CPEB4: variants seen among roughly 807,000 people sequenced by gnomAD.
CPEB4 encodes the protein cytoplasmic polyadenylation element-binding protein 4.
Under a neutral mutation model 72.5 loss-of-function variants are expected in CPEB4, and 12 were observed. The observed-to-expected ratio is 0.17, with a 90% CI of 0.11 to 0.27. CPEB4 has a LOEUF of 0.27. CPEB4 is among the 10% of genes least tolerant of loss of function. The pLI is 1.00. For missense variants in CPEB4, 614 were observed against 908.5 expected (o/e 0.68, Z 4.17); for synonymous variants, 302 against 326.3 (o/e 0.93, Z 0.80).
intron 2 of CPEB4, among the ~76,000 whole-genome samples, chr5:173,924,662 T>C (rs1259019709): frequency 6.6e-6 from 1 of 152,220 alleles, no homozygotes. Flanking sequence ...CTCTGTGAAG[T>C]CAATGGAATT....
chr5:173,910,426 T>C, intron 1 of CPEB4, 97 bp from the exon 2 acceptor site: 1 of 799,720 alleles, frequency 1.3e-6, no homozygotes, highest in East Asian at 2.5e-5. Flanking sequence ...GTAAAATTGC[T>C]ACTTTGTGAT....
At chr5:173,946,153 G>C (rs757565202) in intron 5 of CPEB4, among the ~76,000 whole-genome samples, 8 of 151,924 alleles carry the variant, frequency 5.3e-5, no homozygotes, top group Non-Finnish European at 8.8e-5. Context: ...AGACAGAAAT[G>C]GTTCTAAAAA....
rs1159743343 is a variant in CPEB4, at chr5:173,890,730, C to A, written c.997C>A (p.Pro333Thr). The A allele has an allele frequency of 2.5e-6, 4 of 1,614,004 alleles. No homozygotes were observed. The East Asian group carries it at 8.9e-5, about 36-fold the overall frequency. ...AATAACGCCCCTGAACTCCATCTCG[C>A]CTTTGAAGAAAAATTTTGCAAGCAA... is the stretch of plus-strand genomic sequence containing the variant. ...GGITPLNSIS[P>T]LKKNFASNHI... Residue 333 changes from proline (P) to threonine (T), a missense_variant, in exon 1 of 10, where the codon CCT becomes ACT. By Grantham distance (38) the Pro-to-Thr change is conservative. Around this residue, in one of 5 missense-constraint regions of CPEB4, gnomAD observed 458 missense variants for 548.6 expected, o/e 0.83. Coordinates refer to ENST00000265085, the MANE Select transcript of CPEB4 (RefSeq NM_030627.4).
At chr5:173,936,599 A>G (rs1757630201) in intron 3 of CPEB4, among the ~76,000 whole-genome samples, 1 of 152,180 alleles carries the variant, frequency 6.6e-6, no homozygotes, top group Non-Finnish European at 1.5e-5. Context: ...TGCCCATTTT[A>G]TGGTTATGAG....
At chr5:173,930,044 C>T (rs1488586646) in intron 2 of CPEB4, among the ~76,000 whole-genome samples, 3 of 151,706 alleles carry the variant, frequency 2.0e-5, no homozygotes, top group Non-Finnish European at 2.9e-5. Context: ...GTACTCTGTT[C>T]CCACCTCCCA....
chr5:173,891,499 T>A (rs1350020933), intron 1 of CPEB4: 3 of 152,240 alleles, frequency 2.0e-5, no homozygotes, highest in Non-Finnish European at 2.9e-5. Context: ...TCCCCATTTA[T>A]TTTTGAACAC....
chr5:173,938,501 T>C (rs1757710400), intron 3 of CPEB4, among the ~76,000 whole-genome samples: 1 of 152,174 alleles, frequency 6.6e-6, no homozygotes, highest in African/African-American at 2.4e-5. Flanking sequence ...GCTGGGGTTA[T>C]AGGTGTTAGC....
chr5:173,890,945 A>G, intron 1 of CPEB4, 87 bp downstream of exon 1: 1 of 1,266,342 alleles, frequency 7.9e-7, no homozygotes, highest in African/African-American at 1.5e-5. Flanking sequence ...AAGTGCCCGT[A>G]TTCACATCAG....
rs1433766243 is a variant in CPEB4, at chr5:173,932,363, A to G, written c.1208-87A>G. 4.1e-6 allele frequency: 4 copies of G among 964,108 alleles called. No individual in the cohort carries two copies. In the African/African-American group the frequency reaches 5.0e-5, roughly 12 times the overall value. 59.7% of individuals were successfully genotyped at this position (964,108 alleles called of 1,614,324 possible). A position where few individuals can be genotyped will look rare whatever the true frequency, so the allele number is the denominator to read the frequency against. ...TGATTCAAATACCTTGCCTATTTGA[A>G]AGCAAGTCAATTCAGCTCTGTTATT... On this transcript the variant is annotated intron_variant, in intron 2 of 9. Coordinates refer to ENST00000265085, the MANE Select transcript of CPEB4 (RefSeq NM_030627.4).
rs1227095284 is a variant in CPEB4, at chr5:173,889,240, G to C, written c.-494G>C. The C allele has an allele frequency of 6.6e-6, 1 of 151,412 alleles. No homozygotes were observed. The highest frequency in any genetic ancestry group is 2.4e-5 in the African/African-American group (1 of 41,184). 9.4% of individuals were successfully genotyped at this position (151,412 alleles called of 1,614,324 possible). The stretch of plus-strand genomic sequence containing the variant: ...TTAACCAAGCTGCCAAGAAAAGAAC[G>C]TATTCCCCTCTTAGTCCTATTCTAA... On this transcript the variant is annotated 5_prime_UTR_variant, in exon 1 of 10. Coordinates refer to ENST00000265085, the MANE Select transcript of CPEB4 (RefSeq NM_030627.4).
chr5:173,920,093 ATT>A (rs763045363), intron 2 of CPEB4, among the ~76,000 whole-genome samples: 7 of 152,216 alleles, frequency 4.6e-5, no homozygotes, highest in Non-Finnish European at 8.8e-5. Flanking sequence ...TCTGGGCTTC[ATT>A]ATTTTATCTA....
intron 3 of CPEB4, among the ~76,000 whole-genome samples, 168 bp from the exon 4 acceptor site, chr5:173,942,858 T>G (rs899728375): frequency 2.6e-5 from 4 of 152,192 alleles, no homozygotes; most frequent in Non-Finnish European, 5.9e-5. Context: ...AATTGACCTC[T>G]TACCTCCCGT....
In CPEB4 at chr5:173,936,195, C is replaced by T. The variant is rs1264688473; in HGVS notation, c.1258+3695C>T. Among the ~76,000 whole-genome samples the T allele has an allele frequency of 2.6e-5, 4 of 152,218 alleles. No individual in the cohort carries two copies. In the South Asian group the frequency reaches 8.3e-4, roughly 31 times the overall value. ...CTGCTATAATAAGTACCACTGACTACTGGCTTAAACAGAAATTTACTTCCT... is the reference window on the plus strand; with the variant it reads ...CTGCTATAATAAGTACCACTGACTATTGGCTTAAACAGAAATTTACTTCCT... On this transcript the variant is annotated intron_variant, in intron 3 of 9. Coordinates refer to ENST00000265085, the MANE Select transcript of CPEB4 (RefSeq NM_030627.4).
chr5:173,948,444 A>G (rs773036615), intron 5 of CPEB4, among the ~76,000 whole-genome samples: 3 of 152,186 alleles, frequency 2.0e-5, no homozygotes, highest in Non-Finnish European at 4.4e-5. Flanking sequence ...TTGAGGCAGC[A>G]GGATCACTTA....
chr5:173,931,164 T>C (rs796687784), intron 2 of CPEB4, among the ~76,000 whole-genome samples: 6 of 152,302 alleles, frequency 3.9e-5, no homozygotes, highest in African/African-American at 7.2e-5. Flanking sequence ...TTTTAAAACA[T>C]TGAAGACCTT....
rs1262744453 is a variant in CPEB4 at position 173,956,681 on chromosome 5, A to C, written c.*544A>C. On this transcript the variant is annotated 3_prime_UTR_variant, in exon 10 of 10. Transcript: ENST00000265085. ...TAATTTTTTTAACAGCAATGGAGGA[A>C]GTTAACAATTTTTAATGGAAAGAGC... The C allele has an allele frequency of 6.7e-6, 1 of 149,738 alleles. No individual in the cohort carries two copies. Among genetic ancestry groups the C allele is most frequent in the Non-Finnish European group, 1.5e-5 (1 of 67,678 alleles). The allele number at this position is 149,738 out of a possible 1,614,324, so 9.3% of individuals were successfully genotyped here.
At chr5:173,919,215 C>T (rs914129540) in intron 2 of CPEB4, among the ~76,000 whole-genome samples, 8 of 152,064 alleles carry the variant, frequency 5.3e-5, no homozygotes, top group African/African-American at 1.9e-4. Context: ...TTAACAAGTA[C>T]TTTTCTTTAA....
intron 2 of CPEB4, chr5:173,918,154 A>T (rs923731172): frequency 1.3e-5 from 2 of 151,998 alleles, no homozygotes; most frequent in Non-Finnish European, 2.9e-5. Context: ...CTCCTCCTGT[A>T]CTCTCCCTCT....
Position 173,929,826 on chromosome 5 carries a change from A to T in CPEB4, c.1208-2624A>T, listed in dbSNP as rs149970057. ...ATAATTAGAATATCTTCTTGGAGATAATAAGACATTTCCTCTTAATATTTC... is the reference window on the plus strand; with the variant it reads ...ATAATTAGAATATCTTCTTGGAGATTATAAGACATTTCCTCTTAATATTTC... On this transcript the variant is annotated intron_variant, in intron 2 of 9. Transcript: ENST00000265085. Among the ~76,000 whole-genome samples the T allele has an allele frequency of 3.7e-3, 561 of 152,352 alleles. 9 individuals carry two copies. The highest frequency in any genetic ancestry group is 0.028 in the Admixed American group (431 of 15,300).
Sources: allele counts gnomAD v4.1 joint callset (sites outside exome capture counted in the v4.1 genomes callset), GRCh38; gene constraint gnomAD v4.1.1; regional missense constraint gnomAD v4.1.1; transcripts MANE v1.5; gene names NCBI Gene and HGNC (gene_info 2026-07-23, HGNC 2026-07-21).